RBM19: variants seen among roughly 807,000 people sequenced by gnomAD.
RBM19 encodes the protein probable RNA-binding protein 19.
RBM19 carries 94 observed loss-of-function variants against 116.8 expected under a neutral mutation model. The ratio of observed to expected loss-of-function variants is 0.80; its 90% CI spans 0.68 to 0.95. The LOEUF is 0.95. Ranked by LOEUF, RBM19 falls within the 40% of genes least tolerant of loss-of-function variation. The pLI, the probability that RBM19 is intolerant of heterozygous loss-of-function variation, is 0.00. For missense variants in RBM19, 1,161 were observed against 1,220.7 expected (o/e 0.95, Z 0.73); for synonymous variants, 475 against 494.1 (o/e 0.96, Z 0.51).
At chr12:113,823,439 G>A (rs571311513) in intron 23 of RBM19, 118 bp from the exon 24 acceptor site, 123 of 797,658 alleles carry the variant, frequency 1.5e-4, no homozygotes, top group Non-Finnish European at 2.3e-4. Flanking sequence ...ACAAGGGTGC[G>A]GGGAGACAGA....
At chr12:113,895,207 A>G (rs1881234104) in intron 21 of RBM19, among the ~76,000 whole-genome samples, 1 of 152,152 alleles carries the variant, frequency 6.6e-6, no homozygotes. Context: ...GTGGCCATCT[A>G]TGGTATTGAT....
At chr12:113,945,512 C>T (rs1262433079) in intron 13 of RBM19, among the ~76,000 whole-genome samples, 1 of 152,222 alleles carries the variant, frequency 6.6e-6, no homozygotes. Flanking sequence ...TACAACAAAC[C>T]CTACTTCACA....
intron 15 of RBM19, 137 bp downstream of exon 15, chr12:113,939,823 G>T: frequency 1.2e-6 from 1 of 857,352 alleles, no homozygotes; most frequent in Non-Finnish European, 1.8e-6. Context: ...ATGATATTCA[G>T]CCATGATCGT....
intron 22 of RBM19, among the ~76,000 whole-genome samples, chr12:113,857,092 A>G (rs111575191): frequency 1.3e-5 from 2 of 152,330 alleles, no homozygotes; most frequent in African/African-American, 4.8e-5. Flanking sequence ...ACAGCCTCCT[A>G]TAGGAACTCT....
At chr12:113,863,842 G>T (rs1565983245) in intron 21 of RBM19, among the ~76,000 whole-genome samples, 1 of 152,096 alleles carries the variant, frequency 6.6e-6, no homozygotes, top group African/African-American at 2.4e-5. Context: ...TCAATCTCTT[G>T]GCATTAAAAA....
At chr12:113,835,460 A>G (rs1361405454) in intron 23 of RBM19, among the ~76,000 whole-genome samples, 1 of 152,152 alleles carries the variant, frequency 6.6e-6, no homozygotes, top group East Asian at 1.9e-4. Flanking sequence ...GGGGAGGGGC[A>G]TGACAAGGGA....
At chr12:113,855,453 T>G (rs1183309707) in intron 22 of RBM19, among the ~76,000 whole-genome samples, 1 of 152,250 alleles carries the variant, frequency 6.6e-6, no homozygotes, top group Non-Finnish European at 1.5e-5. Flanking sequence ...GCAGACCTCC[T>G]GGCTTAAGAG....
rs113945914 is a variant in RBM19 at position 113,921,051 on chromosome 12, G to A, written c.2306-361C>T. On this transcript the variant is annotated intron_variant, in intron 18 of 23. Coordinates refer to ENST00000261741, the MANE Select transcript of RBM19 (RefSeq NM_016196.4). ...CCTGGGCAGTCCTCTGCCTCCACACGTAATGCCTAAAATGAATATGTGCGT... is the reference window on the plus strand; with the variant it reads ...CCTGGGCAGTCCTCTGCCTCCACACATAATGCCTAAAATGAATATGTGCGT... Among the ~76,000 whole-genome samples the A allele has an allele frequency of 3.3e-5, 5 of 152,284 alleles. No individual in the cohort carries two copies. The South Asian group carries it at 6.2e-4, about 19-fold the overall frequency.
chr12:113,863,236 T>A (rs11609066), intron 21 of RBM19, among the ~76,000 whole-genome samples: 35 of 142,162 alleles, frequency 2.5e-4, no homozygotes, highest in South Asian at 6.8e-4. Context: ...TGTGTGTGTG[T>A]GGGGCCAGCG....
chr12:113,915,215 C>A, intron 20 of RBM19, 130 bp from the exon 21 acceptor site: 2 of 777,648 alleles, frequency 2.6e-6, no homozygotes, highest in African/African-American at 1.7e-5. Context: ...GGTGCGGGAC[C>A]AACGTGAAAG....
chr12:113,855,544 G>A (rs943546283), intron 22 of RBM19, among the ~76,000 whole-genome samples: 3 of 152,188 alleles, frequency 2.0e-5, no homozygotes, highest in Admixed American at 6.5e-5. Context: ...TGCCCTTGGC[G>A]GGGGATCTGA....
intron 21 of RBM19, among the ~76,000 whole-genome samples, chr12:113,859,225 G>C (rs556557948): frequency 3.9e-5 from 6 of 152,316 alleles, no homozygotes; most frequent in African/African-American, 1.4e-4. Context: ...ACCCTGCCTA[G>C]TACACAAGCA....
chr12:113,888,792 A>C (rs1259003083), intron 21 of RBM19, among the ~76,000 whole-genome samples: 1 of 152,180 alleles, frequency 6.6e-6, no homozygotes, highest in Non-Finnish European at 1.5e-5. Flanking sequence ...TGGAGGTAAA[A>C]ACTTCAACCT....
chr12:113,880,231 C>G (rs982291357), intron 21 of RBM19, among the ~76,000 whole-genome samples: 1 of 152,064 alleles, frequency 6.6e-6, no homozygotes, highest in African/African-American at 2.4e-5. Flanking sequence ...AAAATTTTAT[C>G]TAAAATTCAA....
At chr12:113,866,205 A>C (rs1232119573) in intron 21 of RBM19, among the ~76,000 whole-genome samples, 1 of 152,164 alleles carries the variant, frequency 6.6e-6, no homozygotes, top group Non-Finnish European at 1.5e-5. Context: ...ACTGCTCATC[A>C]TGGTGAGAGC....
At chr12:113,938,325 G>A (rs1870250771) in intron 15 of RBM19, among the ~76,000 whole-genome samples, 1 of 152,156 alleles carries the variant, frequency 6.6e-6, no homozygotes, top group South Asian at 2.1e-4. Context: ...TGGCCACAGA[G>A]TCCCAAGCTA....
intron 1 of RBM19, among the ~76,000 whole-genome samples, chr12:113,965,171 G>A (rs1441858262): frequency 6.6e-6 from 1 of 151,770 alleles, no homozygotes; most frequent in Non-Finnish European, 1.5e-5. Context: ...TACTTGGGAG[G>A]CTGAGGCAGG....
Position 113,878,826 on chromosome 12 carries a change from G to GAA in RBM19, c.2559-19932_2559-19931dup, listed in dbSNP as rs55682400. On this transcript the variant is annotated intron_variant, in intron 21 of 23. Coordinates refer to ENST00000261741, the MANE Select transcript of RBM19 (RefSeq NM_016196.4). ...AAAAAAAGCCAGGTGCCAAAGAATT[G>GAA]AAAAAAAAAAAAAAAAAGGGGGGGG... is the stretch of plus-strand genomic sequence containing the variant. Among the ~76,000 whole-genome samples the GAA allele has an allele frequency of 5.6e-4, 44 of 79,112 alleles. 1 individual carries two copies. Among genetic ancestry groups the GAA allele is most frequent in the South Asian group, 1.5e-3 (3 of 2,038 alleles). The allele number at this position is 79,112 out of a possible 152,430, so 51.9% of individuals were successfully genotyped here. A position where few individuals can be genotyped will look rare whatever the true frequency, so the allele number is the denominator to read the frequency against.
At chr12:113,945,700 G>T in intron 13 of RBM19, 128 bp downstream of exon 13, 1 of 726,030 alleles carries the variant, frequency 1.4e-6, no homozygotes, top group South Asian at 1.9e-5. Flanking sequence ...AGAGGCCTCT[G>T]GGAAGGCCCA....
Sources: allele counts gnomAD v4.1 joint callset (sites outside exome capture counted in the v4.1 genomes callset), GRCh38; gene constraint gnomAD v4.1.1; transcripts MANE v1.5; gene names NCBI Gene and HGNC (gene_info 2026-07-23, HGNC 2026-07-21).